Variants in STK24 observed in about 807,000 individuals in gnomAD.
STK24 encodes the protein serine/threonine kinase 24.
In STK24, 21 loss-of-function variants were observed where a neutral mutation model predicts 55.6. The observed-to-expected ratio is 0.38, with a 90% CI of 0.27 to 0.54. The LOEUF is 0.54. Ranked by LOEUF, STK24 falls within the 20% of genes least tolerant of loss-of-function variation. The pLI, the probability that STK24 is intolerant of heterozygous loss-of-function variation, is 0.79. For missense variants in STK24, 383 were observed against 538.4 expected, an observed-to-expected ratio of 0.71 and a Z score of 2.86; for synonymous variants, 200 against 215.2, an observed-to-expected ratio of 0.93 and a Z score of 0.62.
chr13:98,477,751 C>A (rs1341892591), intron 3 of STK24, among the ~76,000 whole-genome samples: 2 of 152,016 alleles, frequency 1.3e-5, no homozygotes, highest in Admixed American at 1.3e-4. Flanking sequence ...GTGCCCAAGC[C>A]GACGATCAAT....
intron 2 of STK24, among the ~76,000 whole-genome samples, chr13:98,496,272 G>A (rs776156559): frequency 2.6e-5 from 4 of 152,198 alleles, no homozygotes; most frequent in African/African-American, 9.7e-5. Flanking sequence ...AACCCTTGGC[G>A]AGGCAGCAAA....
intron 5 of STK24, among the ~76,000 whole-genome samples, chr13:98,468,099 T>C (rs996145798): frequency 1.3e-5 from 2 of 152,188 alleles, no homozygotes; most frequent in African/African-American, 4.8e-5. Flanking sequence ...GCTTTAACTA[T>C]CCAGAGGATA....
At chr13:98,521,515 T>C (rs923773560) in intron 1 of STK24, among the ~76,000 whole-genome samples, 1 of 152,122 alleles carries the variant, frequency 6.6e-6, no homozygotes, top group Non-Finnish European at 1.5e-5. Context: ...CCTCTTCCTA[T>C]TTTCAAGCTT....
chr13:98,467,488 A>G (rs1429206982), intron 5 of STK24, among the ~76,000 whole-genome samples: 1 of 152,158 alleles, frequency 6.6e-6, no homozygotes, highest in Non-Finnish European at 1.5e-5. Context: ...CCAGGTCGCT[A>G]AGGCTCTTTC....
chr13:98,486,285 C>T (rs1894804593), intron 2 of STK24, among the ~76,000 whole-genome samples: 1 of 151,938 alleles, frequency 6.6e-6, no homozygotes, highest in Non-Finnish European at 1.5e-5. Context: ...GTGGGCCGCA[C>T]TCGCGCCACA....
intron 2 of STK24, among the ~76,000 whole-genome samples, chr13:98,511,823 T>C (rs1044644843): frequency 4.6e-5 from 7 of 152,128 alleles, no homozygotes; most frequent in African/African-American, 9.7e-5. Flanking sequence ...TCTGGTCCCA[T>C]GTGTGGTGGT....
chr13:98,458,935 C>A (rs1893584161), intron 9 of STK24, among the ~76,000 whole-genome samples: 1 of 152,212 alleles, frequency 6.6e-6, no homozygotes, highest in Non-Finnish European at 1.5e-5. Flanking sequence ...TAGCAAATAT[C>A]ATTCTTAAAA....
intron 1 of STK24, among the ~76,000 whole-genome samples, chr13:98,561,305 G>A (rs964461666): frequency 1.3e-5 from 2 of 152,054 alleles, no homozygotes; most frequent in African/African-American, 2.4e-5. Flanking sequence ...CAAGGAGGTC[G>A]GGCACGGTGG....
At chr13:98,504,811 C>T (rs1199330199) in intron 2 of STK24, among the ~76,000 whole-genome samples, 1 of 152,148 alleles carries the variant, frequency 6.6e-6, no homozygotes, top group African/African-American at 2.4e-5. Flanking sequence ...GAAACAACAG[C>T]CTCCAGTACT....
At chr13:98,512,571 G>GTT (rs11434391) in intron 2 of STK24, among the ~76,000 whole-genome samples, 27 of 141,526 alleles carry the variant, frequency 1.9e-4, no homozygotes, top group African/African-American at 5.9e-4. Context: ...CACAAAGTAA[G>GTT]TTTTTTTTTT....
rs1594561617 is a variant in STK24 at position 98,451,813 on chromosome 13, G to T, written c.*1360C>A. 1 of 152,274 alleles carries T rather than the reference G, an allele frequency of 6.6e-6. No individual in the cohort carries two copies. The highest frequency in any genetic ancestry group is 2.1e-4 in the South Asian group (1 of 4,828). 9.4% of individuals were successfully genotyped at this position (152,274 alleles called of 1,614,324 possible). A position where few individuals can be genotyped will look rare whatever the true frequency, so the allele number is the denominator to read the frequency against. ...CAGAAACCCAGAGATTTTCCCCCTC[G>T]CCAAGCAAGGTCCCACAGCAAACCA... On this transcript the variant is annotated 3_prime_UTR_variant, in exon 11 of 11. Transcript: ENST00000539966.
At chr13:98,498,695 C>G (rs376425030) in intron 2 of STK24, among the ~76,000 whole-genome samples, 2 of 152,318 alleles carry the variant, frequency 1.3e-5, no homozygotes, top group African/African-American at 4.8e-5. Context: ...AGAATGGTTT[C>G]TTTGTCCCTC....
intron 5 of STK24, among the ~76,000 whole-genome samples, chr13:98,471,847 G>A (rs779783131): frequency 6.6e-6 from 1 of 152,206 alleles, no homozygotes; most frequent in Non-Finnish European, 1.5e-5. Context: ...GAACCTAGGT[G>A]TGACTTGGGC....
chr13:98,460,619 C>T lies in STK24; in HGVS notation c.1054-179G>A, dbSNP rs561782712. Among the ~76,000 whole-genome samples, 11 of 152,314 alleles carry T rather than the reference C, an allele frequency of 7.2e-5. No individual in the cohort carries two copies. The East Asian group carries it at 2.1e-3, about 29-fold the overall frequency. ...AGACTATCGGCTGCCTCTCACTAGA[C>T]TTCAAAGTTTCATCTGCAGTGACAT... On this transcript the variant is annotated intron_variant, in intron 8 of 10. Transcript: ENST00000539966.
At chr13:98,575,883 A>G (rs1897877052) in intron 1 of STK24, 1 of 332,830 alleles carries the variant, frequency 3.0e-6, no homozygotes, top group African/African-American at 2.2e-5. Flanking sequence ...AAAAGCAACG[A>G]CAACGAAAAC....
At position 98,529,446 on chromosome 13, in the gene STK24, A is replaced by T. The variant is rs534205442; in HGVS notation, c.43-9973T>A. ...AGCTCACGGTTTCCTTCACTGCTTAAAACAACTGGGGACGACCCACTGCCC... is the reference window on the plus strand; with the variant it reads ...AGCTCACGGTTTCCTTCACTGCTTATAACAACTGGGGACGACCCACTGCCC... On this transcript the variant is annotated intron_variant, in intron 1 of 10. Transcript: ENST00000539966. Among the ~76,000 whole-genome samples, 21 of 152,236 alleles carry T rather than the reference A, an allele frequency of 1.4e-4. No individual in the cohort carries two copies. The East Asian group carries it at 3.9e-3, about 28-fold the overall frequency.
rs56857116 is a variant in STK24 at position 98,446,484 on chromosome 13, C to G, written c.*6689G>C. 3 of 642,390 alleles carry G rather than the reference C, an allele frequency of 4.7e-6. No homozygotes were observed. Among genetic ancestry groups the G allele is most frequent in the Non-Finnish European group, 5.4e-6 (2 of 370,982 alleles). The allele number at this position is 642,390 out of a possible 1,614,324, so 39.8% of individuals were successfully genotyped here. On this transcript the variant is annotated 3_prime_UTR_variant, in exon 11 of 11. Coordinates refer to ENST00000539966, the MANE Select transcript of STK24 (RefSeq NM_001032296.4). Reference sequence around the variant, plus strand: ...GGCTTTATCTACAGCTCAGTCCTGGCGGGACTTGCCACCCGGGCCATCACG... The same window carrying G: ...GGCTTTATCTACAGCTCAGTCCTGGGGGGACTTGCCACCCGGGCCATCACG...
intron 2 of STK24, among the ~76,000 whole-genome samples, chr13:98,516,396 T>C (rs1896059325): frequency 6.6e-6 from 1 of 152,188 alleles, no homozygotes; most frequent in African/African-American, 2.4e-5. Context: ...CTGGAGGCCA[T>C]CAGCACCTGA....
rs1893931838 is a variant in STK24, at chr13:98,466,515, C to T, written c.644G>A (p.Gly215Glu). ...LGITAIELARGEPPHSELHPM... is the reference protein window; with the variant it reads ...LGITAIELAREEPPHSELHPM... ...GTGCAGCTCGGAATGAGGTGGTTCC[C>T]CTCTTGCAAGTTCAATAGCTGTTAT... The change falls in exon 6 of 11, where the codon GGG becomes GAG. Residue 215 changes from glycine (G) to glutamate (E), a missense_variant. Coordinates refer to ENST00000539966, the MANE Select transcript of STK24 (RefSeq NM_001032296.4). 2 of 1,613,948 alleles carry T rather than the reference C, an allele frequency of 1.2e-6. No individual in the cohort carries two copies. The highest frequency in any genetic ancestry group is 1.3e-5 in the African/African-American group (1 of 74,912).
Sources: allele counts gnomAD v4.1 joint callset (sites outside exome capture counted in the v4.1 genomes callset), GRCh38; gene constraint gnomAD v4.1.1; transcripts MANE v1.5; gene names NCBI Gene and HGNC (gene_info 2026-07-23, HGNC 2026-07-21).